ATL3: variants seen among roughly 807,000 people sequenced by gnomAD.
ATL3 encodes the protein atlastin-3.
A neutral mutation model predicts 69.5 loss-of-function variants in ATL3; 49 were observed. The ratio of observed to expected loss-of-function variants is 0.71; its 90% CI spans 0.56 to 0.89. The LOEUF (loss-of-function observed/expected upper bound fraction) is 0.89. Ranked by LOEUF, ATL3 falls within the 40% of genes least tolerant of loss-of-function variation. ATL3 has a pLI of 0.00. For missense variants in ATL3, 606 were observed against 645.7 expected (o/e 0.94, Z 0.67); for synonymous variants, 214 against 224.1 (o/e 0.95, Z 0.40).
At chr11:63,652,188 AAC>A (rs1240036203) in intron 4 of ATL3, among the ~76,000 whole-genome samples, 2 of 152,150 alleles carry the variant, frequency 1.3e-5, no homozygotes, top group South Asian at 2.1e-4. Context: ...TACAGTTTAA[AAC>A]AGTTTTCCTA....
intron 4 of ATL3, 35 bp downstream of exon 4, chr11:63,652,436 T>C: frequency 1.5e-6 from 2 of 1,346,564 alleles, no homozygotes. Context: ...TCTTATTTCC[T>C]TTGCGAGCTT....
chr11:63,656,601 G>A (rs1388248655), intron 3 of ATL3, among the ~76,000 whole-genome samples: 1 of 151,696 alleles, frequency 6.6e-6, no homozygotes, highest in Non-Finnish European at 1.5e-5. Flanking sequence ...AGGCGTGGTG[G>A]TGCGCGCCTG....
At chr11:63,660,917 TAAG>T (rs1459603156) in intron 1 of ATL3, among the ~76,000 whole-genome samples, 1 of 151,936 alleles carries the variant, frequency 6.6e-6, no homozygotes, top group East Asian at 1.9e-4. Context: ...TGCTCCATTT[TAAG>T]AAGAAGGAAA....
intron 3 of ATL3, among the ~76,000 whole-genome samples, chr11:63,656,028 TC>T (rs1413566606): frequency 1.3e-5 from 2 of 151,716 alleles, no homozygotes; most frequent in Non-Finnish European, 2.9e-5. Flanking sequence ...ATCGAGACCA[TC>T]CTGGCTAACA....
intron 4 of ATL3, 122 bp from the exon 5 acceptor site, chr11:63,652,108 G>C: frequency 6.9e-7 from 1 of 1,439,330 alleles, no homozygotes; most frequent in South Asian, 1.5e-5. Flanking sequence ...CATGAGGCCT[G>C]TTCAAACAGC....
At position 63,667,906 on chromosome 11, in the gene ATL3, C is replaced by T. The variant is rs114809420; in HGVS notation, c.46+3384G>A. Among the ~76,000 whole-genome samples the T allele has an allele frequency of 7.2e-3, 1,102 of 152,120 alleles. 11 individuals carry two copies. The highest frequency in any genetic ancestry group is 0.025 in the African/African-American group (1,027 of 41,476). ...ATTGAGCAGCATCCCTGGCCTCTACCCACTAGATACCAGTAACACTCCCCA... is the reference window on the plus strand; with the variant it reads ...ATTGAGCAGCATCCCTGGCCTCTACTCACTAGATACCAGTAACACTCCCCA... On this transcript the variant is annotated intron_variant, in intron 1 of 12. Coordinates refer to ENST00000398868, the MANE Select transcript of ATL3 (RefSeq NM_015459.5).
chr11:63,633,147 C>G (rs1393292078), intron 10 of ATL3, 50 bp from the exon 11 acceptor site: 2 of 1,459,264 alleles, frequency 1.4e-6, no homozygotes, highest in East Asian at 2.3e-5. Flanking sequence ...TTTTAACATT[C>G]CTCCACAAAT....
At chr11:63,665,758 A>T (rs1940555651) in intron 1 of ATL3, among the ~76,000 whole-genome samples, 1 of 151,742 alleles carries the variant, frequency 6.6e-6, no homozygotes, top group Non-Finnish European at 1.5e-5. Context: ...GCTTGGTGGT[A>T]ACGCGCCTGT....
chr11:63,668,564 T>A (rs1180910840), intron 1 of ATL3, among the ~76,000 whole-genome samples: 3 of 152,214 alleles, frequency 2.0e-5, no homozygotes, highest in African/African-American at 7.2e-5. Flanking sequence ...TATTTTTTGT[T>A]GTTGACTAAG....
At chr11:63,651,837 A>C in intron 5 of ATL3, 99 bp downstream of exon 5, 1 of 1,455,942 alleles carries the variant, frequency 6.9e-7, no homozygotes, top group Non-Finnish European at 9.1e-7. Flanking sequence ...CTTCCTCTAC[A>C]TTTCAATCTT....
At position 63,632,223 on chromosome 11, in the gene ATL3, T is replaced by A; in HGVS notation, c.1108-752A>T. On this transcript the variant is annotated intron_variant, in intron 11 of 12. Coordinates refer to ENST00000398868, the MANE Select transcript of ATL3 (RefSeq NM_015459.5). Reference sequence around the variant, plus strand: ...TGGTGGCAGAGTCTACATAGAACTATGCTTCGTGGTGCTCTGGGGAAACCT... The same window carrying A: ...TGGTGGCAGAGTCTACATAGAACTAAGCTTCGTGGTGCTCTGGGGAAACCT... 4 of 672,544 alleles carry A rather than the reference T, an allele frequency of 5.9e-6. No homozygotes were observed. In the South Asian group the frequency reaches 6.1e-5, roughly 10 times the overall value. 41.7% of individuals were successfully genotyped at this position (672,544 alleles called of 1,614,324 possible). A position where few individuals can be genotyped will look rare whatever the true frequency, so the allele number is the denominator to read the frequency against.
At chr11:63,654,014 T>G (rs988148058) in intron 3 of ATL3, among the ~76,000 whole-genome samples, 2 of 152,214 alleles carry the variant, frequency 1.3e-5, no homozygotes, top group Non-Finnish European at 2.9e-5. Flanking sequence ...ATATATTGGT[T>G]CAAATATTAA....
chr11:63,636,118 G>A, intron 9 of ATL3, 89 bp downstream of exon 9: 1 of 1,531,020 alleles, frequency 6.5e-7, no homozygotes, highest in Non-Finnish European at 8.8e-7. Context: ...AAATTTTTAA[G>A]TTTCAAAATA....
intron 8 of ATL3, among the ~76,000 whole-genome samples, chr11:63,640,244 T>C (rs1939652016): frequency 6.6e-6 from 1 of 152,172 alleles, no homozygotes; most frequent in African/African-American, 2.4e-5. Flanking sequence ...TCCTTTTTAA[T>C]GACTGCATTT....
rs1392124682 is a variant in ATL3 at position 63,627,736 on chromosome 11, C to G, written c.*1583G>C. On this transcript the variant is annotated 3_prime_UTR_variant, in exon 13 of 13. Transcript: ENST00000398868. Reference sequence around the variant, plus strand: ...AAGGAAAAGCAACTAACAGATAAAACTTTTATCTCCTAATCAAGGTAAATA... The same window carrying G: ...AAGGAAAAGCAACTAACAGATAAAAGTTTTATCTCCTAATCAAGGTAAATA... 1 of 152,090 alleles carries G rather than the reference C, an allele frequency of 6.6e-6. No individual in the cohort carries two copies. Among genetic ancestry groups the G allele is most frequent in the Non-Finnish European group, 1.5e-5 (1 of 67,992 alleles). 9.4% of individuals were successfully genotyped at this position (152,090 alleles called of 1,614,324 possible).
intron 3 of ATL3, among the ~76,000 whole-genome samples, chr11:63,656,885 A>T (rs908207075): frequency 2.4e-4 from 37 of 152,114 alleles, no homozygotes; most frequent in Non-Finnish European, 4.9e-4. Context: ...ATGAAAGCTA[A>T]AAGAATTCAG....
intron 8 of ATL3, among the ~76,000 whole-genome samples, chr11:63,641,168 T>A (rs1315181385): frequency 6.6e-6 from 1 of 152,220 alleles, no homozygotes; most frequent in African/African-American, 2.4e-5. Context: ...GACTTACCAG[T>A]GCATTTTATA....
rs772683424 is a variant in ATL3 at position 63,652,592 on chromosome 11, T to C, written c.406-17A>G. The C allele has an allele frequency of 1.6e-5, 25 of 1,570,198 alleles. No individual in the cohort carries two copies. The highest frequency in any genetic ancestry group is 2.2e-5 in the Non-Finnish European group (25 of 1,147,518). On this transcript the variant is annotated splice_polypyrimidine_tract_variant and intron_variant, in intron 3 of 12. Transcript: ENST00000398868. ...AACTGCAACCTAAAAAAAAGGAAAA[T>C]ACAAACAAAAGAGATTAAACTAAGA...
At chr11:63,661,597 A>G (rs1047932122) in intron 1 of ATL3, among the ~76,000 whole-genome samples, 1 of 151,534 alleles carries the variant, frequency 6.6e-6, no homozygotes, top group South Asian at 2.1e-4. Flanking sequence ...AGAAGAGAAG[A>G]GAAGGCAAGG....
Sources: allele counts gnomAD v4.1 joint callset (sites outside exome capture counted in the v4.1 genomes callset), GRCh38; gene constraint gnomAD v4.1.1; transcripts MANE v1.5; gene names NCBI Gene and HGNC (gene_info 2026-07-23, HGNC 2026-07-21).